MYO16: variants seen among roughly 807,000 people sequenced by gnomAD.
MYO16 encodes unconventional myosin-XVI.
A neutral mutation model predicts 205.3 loss-of-function variants in MYO16; 94 were observed. The ratio of observed to expected loss-of-function variants is 0.46; its 90% CI spans 0.39 to 0.54. The LOEUF is 0.54. Among genes scored for constraint, MYO16 ranks in the 20% least tolerant of loss-of-function variants. The pLI is 0.00. For synonymous variants in MYO16, 988 were observed against 954.0 expected (o/e 1.04, Z -0.66); for missense variants, 2,315 against 2,387.5 (o/e 0.97, Z 0.63).
chr13:109,013,116 C>CCA (rs1885670755), intron 22 of MYO16, among the ~76,000 whole-genome samples: 1 of 97,464 alleles, frequency 1.0e-5, no homozygotes, highest in Non-Finnish European at 2.2e-5. Context: ...CCTCCCCCAC[C>CCA]CCCCCCCACC....
chr13:109,092,767 C>T (rs983414115), intron 27 of MYO16, among the ~76,000 whole-genome samples: 1 of 152,210 alleles, frequency 6.6e-6, no homozygotes, highest in African/African-American at 2.4e-5. Flanking sequence ...CCTGTGGTGA[C>T]TGCATAAGCT....
chr13:108,602,854 G>T (rs1392258853), intron 1 of MYO16, among the ~76,000 whole-genome samples: 1 of 152,034 alleles, frequency 6.6e-6, no homozygotes, highest in Non-Finnish European at 1.5e-5. Context: ...TGAATTTGAG[G>T]CAAAACTAGA....
rs78443076 is a variant in MYO16, at chr13:108,767,882, G to A, written c.508-17753G>A. ...CTTTGCAAAAATACACTTTAATATG[G>A]TATTCTTTCCCTTACCACTGTTTTA... On this transcript the variant is annotated intron_variant, in intron 4 of 34. Transcript: ENST00000457511. Among the ~76,000 whole-genome samples, 881 of 152,210 alleles carry A rather than the reference G, an allele frequency of 5.8e-3. 4 individuals are homozygous for A. The highest frequency in any genetic ancestry group is 9.9e-3 in the Non-Finnish European group (674 of 68,012).
chr13:109,012,621 G>A (rs139748059), intron 22 of MYO16, among the ~76,000 whole-genome samples: 100 of 151,936 alleles, frequency 6.6e-4, no homozygotes, highest in African/African-American at 2.4e-3. Context: ...CCACAAAACC[G>A]TTCCCTCTTG....
intron 27 of MYO16, among the ~76,000 whole-genome samples, chr13:109,071,619 A>C (rs986367085): frequency 6.6e-6 from 1 of 152,212 alleles, no homozygotes; most frequent in East Asian, 1.9e-4. Context: ...AGTCTCTACA[A>C]GGCTAAGAAA....
chr13:108,496,132 T>A, the MYO16 span, among the ~76,000 whole-genome samples: 2 of 151,526 alleles, frequency 1.3e-5, no homozygotes, highest in Non-Finnish European at 2.9e-5. Context: ...CTGGGGGGCG[T>A]GGAGAGGAGG....
At chr13:109,126,963 A>T (rs1876281406) in intron 30 of MYO16, among the ~76,000 whole-genome samples, 1 of 152,244 alleles carries the variant, frequency 6.6e-6, no homozygotes, top group African/African-American at 2.4e-5. Flanking sequence ...GAGTGTGAAG[A>T]ATTCATTCAG....
At chr13:109,145,576 G>C (rs1877291852) in intron 32 of MYO16, among the ~76,000 whole-genome samples, 1 of 152,142 alleles carries the variant, frequency 6.6e-6, no homozygotes, top group South Asian at 2.1e-4. Context: ...TTAATTGTCT[G>C]TTCCATTCTA....
At chr13:109,100,354 G>A (rs1888923083) in intron 27 of MYO16, among the ~76,000 whole-genome samples, 1 of 152,094 alleles carries the variant, frequency 6.6e-6, no homozygotes, top group Non-Finnish European at 1.5e-5. Flanking sequence ...TGGACGTTTT[G>A]GTATTCCATT....
chr13:108,805,924 C>CAAAATAAATAAAT (rs1887097928), intron 6 of MYO16, among the ~76,000 whole-genome samples: 2 of 30,760 alleles, frequency 6.5e-5, no homozygotes, highest in African/African-American at 1.3e-4. Context: ...TAGTCTCTAC[C>CAAAATAAATAAAT]AAAATAAATA....
chr13:109,076,891 A>G (rs142359368), intron 27 of MYO16, among the ~76,000 whole-genome samples: 154 of 152,222 alleles, frequency 1.0e-3, no homozygotes, highest in African/African-American at 3.7e-3. Flanking sequence ...GATTCTCTCT[A>G]TATATTTTAA....
chr13:108,995,260 A>C (rs1485766514), intron 21 of MYO16, among the ~76,000 whole-genome samples: 1 of 152,078 alleles, frequency 6.6e-6, no homozygotes, highest in African/African-American at 2.4e-5. Context: ...GGGAGGATCA[A>C]GGCAGCTCTC....
chr13:109,039,578 A>G (rs1886819084), intron 23 of MYO16, among the ~76,000 whole-genome samples: 1 of 152,224 alleles, frequency 6.6e-6, no homozygotes, highest in African/African-American at 2.4e-5. Flanking sequence ...TGGAAACTTA[A>G]CAGTGCCCTT....
intron 20 of MYO16, among the ~76,000 whole-genome samples, chr13:108,972,245 C>CTATATATA (rs1374363684): frequency 3.5e-4 from 3 of 8,604 alleles, no homozygotes; most frequent in Non-Finnish European, 7.5e-4. Flanking sequence ...CTCTCTCTCT[C>CTATATATA]TCTCTATATA....
At chr13:108,951,469 C>A (rs892502351) in intron 16 of MYO16, among the ~76,000 whole-genome samples, 1 of 152,128 alleles carries the variant, frequency 6.6e-6, no homozygotes, top group African/African-American at 2.4e-5. Context: ...TCCCCAGGGC[C>A]TGTATGTTCC....
intron 27 of MYO16, among the ~76,000 whole-genome samples, chr13:109,066,511 A>G (rs765849536): frequency 4.6e-5 from 7 of 152,222 alleles, no homozygotes; most frequent in Non-Finnish European, 1.0e-4. Context: ...AGGAGCTTAA[A>G]CAACGCTTCC....
At chr13:109,073,338 C>T (rs915573796) in intron 27 of MYO16, among the ~76,000 whole-genome samples, 1 of 151,614 alleles carries the variant, frequency 6.6e-6, no homozygotes, top group Non-Finnish European at 1.5e-5. Context: ...GTCTCGAACT[C>T]CTGACCTCAT....
intron 4 of MYO16, among the ~76,000 whole-genome samples, chr13:108,771,306 T>C (rs922726110): frequency 6.6e-6 from 1 of 152,194 alleles, no homozygotes; most frequent in African/African-American, 2.4e-5. Context: ...GCTTATTTTC[T>C]ACTTTTCCTT....
chr13:108,674,649 G>A (rs1049765201), intron 2 of MYO16, among the ~76,000 whole-genome samples: 34 of 152,142 alleles, frequency 2.2e-4, no homozygotes, highest in African/African-American at 7.7e-4. Context: ...AATCTACTAG[G>A]AACATGACCA....
Sources: allele counts gnomAD v4.1 joint callset (sites outside exome capture counted in the v4.1 genomes callset), GRCh38; gene constraint gnomAD v4.1.1; transcripts MANE v1.5; gene names NCBI Gene and HGNC (gene_info 2026-07-23, HGNC 2026-07-21).